Variants in PDZRN3 observed in about 807,000 individuals in gnomAD.
The protein encoded by PDZRN3 is PDZ domain containing ring finger 3.
PDZRN3 carries 38 observed loss-of-function variants against 85.7 expected under a neutral mutation model. The observed-to-expected ratio is 0.44, with a 90% confidence interval of 0.34 to 0.58. The LOEUF (loss-of-function observed/expected upper bound fraction) is 0.58. PDZRN3 is among the 20% of genes least tolerant of loss of function. The pLI is 0.01. For missense variants in PDZRN3, 1,629 were observed against 1,506.4 expected, an observed-to-expected ratio of 1.08 and a Z score of -1.35; for synonymous variants, 759 against 638.0, an observed-to-expected ratio of 1.19 and a Z score of -2.86.
At chr3:73,452,277 C>A (rs1469892552) in intron 3 of PDZRN3, among the ~76,000 whole-genome samples, 1 of 152,010 alleles carries the variant, frequency 6.6e-6, no homozygotes, top group Admixed American at 6.6e-5. Flanking sequence ...GTAGCACGGT[C>A]TCAAATAGGG....
intron 3 of PDZRN3, among the ~76,000 whole-genome samples, chr3:73,497,029 G>A (rs1347608785): frequency 6.6e-6 from 1 of 152,194 alleles, no homozygotes; most frequent in South Asian, 2.1e-4. Context: ...TGACTCTGAT[G>A]TTAAAATGTG....
At chr3:73,401,056 A>C (rs1701739017) in intron 4 of PDZRN3, 47 bp from the exon 5 acceptor site, 4 of 1,413,846 alleles carry the variant, frequency 2.8e-6, no homozygotes, top group Non-Finnish European at 3.0e-6. Flanking sequence ...CGTTGTCAGT[A>C]TCTGTTTTTC....
At chr3:73,582,168 G>C (rs1702212135) in intron 3 of PDZRN3, among the ~76,000 whole-genome samples, 1 of 152,166 alleles carries the variant, frequency 6.6e-6, no homozygotes, top group Non-Finnish European at 1.5e-5. Flanking sequence ...TCATGAAGAA[G>C]GCTACGGAAG....
intron 3 of PDZRN3, among the ~76,000 whole-genome samples, chr3:73,515,294 G>A (rs530969325): frequency 6.7e-6 from 1 of 148,626 alleles, no homozygotes; most frequent in South Asian, 2.2e-4. Context: ...TCCTGCCTCA[G>A]CCTCCGAAGT....
At chr3:73,562,559 T>G (rs56347553) in intron 3 of PDZRN3, among the ~76,000 whole-genome samples, 28,587 of 152,054 alleles carry the variant, frequency 0.19, 3,359 homozygotes, top group East Asian at 0.27. Flanking sequence ...AAAACCATCC[T>G]CCCAATCACA....
At chr3:73,576,692 T>A (rs1702128925) in intron 3 of PDZRN3, among the ~76,000 whole-genome samples, 1 of 152,172 alleles carries the variant, frequency 6.6e-6, no homozygotes, top group African/African-American at 2.4e-5. Flanking sequence ...CAATTTTGCA[T>A]GATTGAATTC....
At chr3:73,503,129 T>C (rs905404050) in intron 3 of PDZRN3, among the ~76,000 whole-genome samples, 1 of 152,250 alleles carries the variant, frequency 6.6e-6, no homozygotes, top group Non-Finnish European at 1.5e-5. Context: ...AACATTTTAC[T>C]AACATAAAAT....
chr3:73,570,825 C>T (rs1338386318), intron 3 of PDZRN3, among the ~76,000 whole-genome samples: 9 of 152,090 alleles, frequency 5.9e-5, no homozygotes, highest in Admixed American at 5.2e-4. Context: ...CTCTGTAACC[C>T]CTCCCTGGAC....
intron 3 of PDZRN3, among the ~76,000 whole-genome samples, chr3:73,516,330 C>T (rs1227588035): frequency 6.6e-6 from 1 of 152,186 alleles, no homozygotes; most frequent in Non-Finnish European, 1.5e-5. Flanking sequence ...CCAATGTAAA[C>T]TCTCACCAAC....
intron 3 of PDZRN3, among the ~76,000 whole-genome samples, chr3:73,600,347 T>A (rs1411008709): frequency 6.7e-6 from 1 of 148,866 alleles, no homozygotes; most frequent in South Asian, 2.1e-4. Context: ...ACTCTCTCTC[T>A]CTCTCTCTCT....
chr3:73,572,742 A>G (rs577864941), intron 3 of PDZRN3, among the ~76,000 whole-genome samples: 17 of 152,360 alleles, frequency 1.1e-4, no homozygotes, highest in South Asian at 8.3e-4. Context: ...AAGAGGGATG[A>G]GGCAGAGGGA....
At chr3:73,424,074 C>G (rs1244986024) in intron 3 of PDZRN3, among the ~76,000 whole-genome samples, 1 of 151,916 alleles carries the variant, frequency 6.6e-6, no homozygotes, top group South Asian at 2.1e-4. Flanking sequence ...CTGTGATAGA[C>G]AAAATTTATA....
chr3:73,546,294 A>G (rs183466317), intron 3 of PDZRN3, among the ~76,000 whole-genome samples: 1 of 152,350 alleles, frequency 6.6e-6, no homozygotes, highest in Non-Finnish European at 1.5e-5. Flanking sequence ...AACCAGTATT[A>G]CTGGAGAGTA....
intron 3 of PDZRN3, among the ~76,000 whole-genome samples, chr3:73,584,949 C>T (rs905919917): frequency 3.9e-5 from 6 of 152,170 alleles, no homozygotes; most frequent in Non-Finnish European, 7.3e-5. Context: ...CTGGTTTTAT[C>T]TTCTCCTTTA....
chr3:73,448,666 A>G (rs946422968), intron 3 of PDZRN3, among the ~76,000 whole-genome samples: 4 of 152,216 alleles, frequency 2.6e-5, no homozygotes, highest in Non-Finnish European at 5.9e-5. Flanking sequence ...ACAAGTGAGC[A>G]ATATCATGGC....
chr3:73,491,353 A>C (rs770023629), intron 3 of PDZRN3, among the ~76,000 whole-genome samples: 91 of 152,160 alleles, frequency 6.0e-4, no homozygotes, highest in South Asian at 1.2e-3. Flanking sequence ...TGATATCTGA[A>C]TGCTTTTTGT....
intron 3 of PDZRN3, among the ~76,000 whole-genome samples, chr3:73,493,751 G>A (rs1703818617): frequency 1.3e-5 from 2 of 152,208 alleles, no homozygotes; most frequent in South Asian, 4.1e-4. Context: ...ATTGCTGATT[G>A]GTTAAGGGAT....
chr3:73,407,475 T>C (rs1334930513), intron 3 of PDZRN3, among the ~76,000 whole-genome samples: 2 of 152,242 alleles, frequency 1.3e-5, no homozygotes, highest in Non-Finnish European at 2.9e-5. Flanking sequence ...TCATTTGACT[T>C]GGATATTAAC....
At chr3:73,482,026 T>C (rs1703571837) in intron 3 of PDZRN3, among the ~76,000 whole-genome samples, 1 of 152,114 alleles carries the variant, frequency 6.6e-6, no homozygotes, top group Non-Finnish European at 1.5e-5. Flanking sequence ...TTTTCAACAT[T>C]AAGAGCATCT....
Sources: allele counts gnomAD v4.1 joint callset (sites outside exome capture counted in the v4.1 genomes callset), GRCh38; gene constraint gnomAD v4.1.1; transcripts MANE v1.5; gene names NCBI Gene and HGNC (gene_info 2026-07-23, HGNC 2026-07-21).